The following PTPRT variants were observed in gnomAD, a reference collection of about 807,000 sequenced individuals.
PTPRT encodes the protein protein tyrosine phosphatase receptor type T.
A neutral mutation model predicts 176.8 loss-of-function variants in PTPRT; 56 were observed. The ratio of observed to expected loss-of-function variants is 0.32; its 90% CI spans 0.26 to 0.40. PTPRT has a LOEUF of 0.40. Among genes scored for constraint, PTPRT ranks in the 10% least tolerant of loss-of-function variants. PTPRT has a pLI of 1.00. For synonymous variants in PTPRT, 783 were observed against 739.0 expected (o/e 1.06, Z -0.96); for missense variants, 1,540 against 1,908.2 (o/e 0.81, Z 3.60).
rs1987222088 is a variant in PTPRT, at chr20:42,115,326, G to T, written c.2983-11C>A. The T allele has an allele frequency of 6.3e-7, 1 of 1,592,072 alleles. No individual in the cohort carries two copies. Among genetic ancestry groups the T allele is most frequent in the African/African-American group, 1.3e-5 (1 of 74,608 alleles). On this transcript the variant is annotated splice_polypyrimidine_tract_variant and intron_variant, in intron 21 of 30. Coordinates refer to ENST00000373187, the MANE Select transcript of PTPRT (RefSeq NM_007050.6). The stretch of plus-strand genomic sequence containing the variant: ...TCGCACACATTTCACCTGTGGCCAA[G>T]TGAGAGACAGAGACAGAGACAGAAC...
At chr20:42,210,266 C>T (rs2146730726) in intron 15 of PTPRT, among the ~76,000 whole-genome samples, 1 of 152,288 alleles carries the variant, frequency 6.6e-6, no homozygotes, top group East Asian at 1.9e-4. Context: ...CTCACCACTC[C>T]TATTCAACAC....
intron 1 of PTPRT, among the ~76,000 whole-genome samples, chr20:43,170,010 G>T (rs1026282126): frequency 1.3e-5 from 2 of 152,008 alleles, no homozygotes; most frequent in Non-Finnish European, 2.9e-5. Flanking sequence ...TTTACACAAT[G>T]TCTGGTATAT....
intron 6 of PTPRT, among the ~76,000 whole-genome samples, chr20:42,754,917 C>T (rs1011688992): frequency 6.6e-6 from 1 of 152,124 alleles, no homozygotes; most frequent in Non-Finnish European, 1.5e-5. Context: ...AGAACCAGTG[C>T]CAGGCACTGC....
chr20:42,712,579 T>C (rs567426873), intron 6 of PTPRT, among the ~76,000 whole-genome samples: 16 of 152,254 alleles, frequency 1.1e-4, no homozygotes, highest in African/African-American at 3.6e-4. Context: ...TGGTTCTATC[T>C]CTGAGCCCTG....
chr20:42,209,939 C>T (rs1291518870), intron 15 of PTPRT, among the ~76,000 whole-genome samples: 1 of 152,114 alleles, frequency 6.6e-6, no homozygotes, highest in Middle Eastern at 3.2e-3. Context: ...CATCAAAAAG[C>T]TTATCCACCA....
the PTPRT span, among the ~76,000 whole-genome samples, chr20:42,051,369 G>A: frequency 5.9e-5 from 9 of 152,192 alleles, no homozygotes; most frequent in African/African-American, 2.2e-4. Flanking sequence ...GCTTATTTGC[G>A]TGGTGACCCC....
rs987150590 is a variant in PTPRT, at chr20:42,088,122, C to T, written c.3847-2269G>A. On this transcript the variant is annotated intron_variant, in intron 27 of 30. Transcript: ENST00000373187. ...GGGGTACAGAGGGGAGACAAGATTG[C>T]GGCTGCAGGCTCGCTGGGGACCACC... is the stretch of plus-strand genomic sequence containing the variant. Among the ~76,000 whole-genome samples the T allele has an allele frequency of 3.9e-5, 6 of 152,160 alleles. No individual in the cohort carries two copies. In the South Asian group the frequency reaches 6.2e-4, roughly 16 times the overall value.
intron 1 of PTPRT, among the ~76,000 whole-genome samples, chr20:43,124,957 A>T (rs1458286966): frequency 6.6e-6 from 1 of 152,154 alleles, no homozygotes; most frequent in Admixed American, 6.6e-5. Context: ...AGGAAATTAG[A>T]GCTCAAAGAT....
At chr20:42,496,252 G>A (rs2071651713) in intron 7 of PTPRT, among the ~76,000 whole-genome samples, 1 of 152,074 alleles carries the variant, frequency 6.6e-6, no homozygotes, top group East Asian at 1.9e-4. Context: ...GGTGAGGCAG[G>A]AGAGGCAGGC....
rs2077136312 is a variant in PTPRT, at chr20:42,776,421, A to G, written c.568+3797T>C. 2.6e-5 allele frequency among the ~76,000 whole-genome samples: 4 copies of G among 152,160 alleles called. No individual in the cohort carries two copies. The South Asian group carries it at 8.3e-4, about 32-fold the overall frequency. On this transcript the variant is annotated intron_variant, in intron 4 of 30. Transcript: ENST00000373187. ...CAATCCAATCTGACCAGTATTCTCAACAGAGGAGGACATTTGAATGCACCG... is the reference window on the plus strand; with the variant it reads ...CAATCCAATCTGACCAGTATTCTCAGCAGAGGAGGACATTTGAATGCACCG...
At chr20:42,557,739 T>C (rs1034078611) in intron 7 of PTPRT, among the ~76,000 whole-genome samples, 12 of 152,086 alleles carry the variant, frequency 7.9e-5, no homozygotes, top group Admixed American at 1.3e-4. Flanking sequence ...AAGAAAATGG[T>C]TGAGTTTCCT....
chr20:42,402,669 T>C (rs6016778), intron 9 of PTPRT, among the ~76,000 whole-genome samples: 48 of 152,160 alleles, frequency 3.2e-4, no homozygotes, highest in African/African-American at 1.1e-3. Flanking sequence ...ACAGTCTGGC[T>C]TCCAACAAAG....
At chr20:42,495,558 C>T (rs762646213) in intron 7 of PTPRT, among the ~76,000 whole-genome samples, 6 of 152,190 alleles carry the variant, frequency 3.9e-5, no homozygotes, top group Non-Finnish European at 8.8e-5. Context: ...GGCACACAGA[C>T]CATCCACAAG....
At chr20:42,352,673 G>A (rs144871686) in intron 9 of PTPRT, among the ~76,000 whole-genome samples, 38 of 152,238 alleles carry the variant, frequency 2.5e-4, no homozygotes, top group African/African-American at 8.9e-4. Context: ...GGCGGTCTAT[G>A]GTCAAAAATA....
intron 12 of PTPRT, among the ~76,000 whole-genome samples, chr20:42,309,824 C>G (rs1009267755): frequency 2.0e-5 from 3 of 152,178 alleles, no homozygotes; most frequent in African/African-American, 7.2e-5. Flanking sequence ...CCCAAACACA[C>G]CAACCACAAT....
chr20:42,857,088 G>C (rs1017012707), intron 2 of PTPRT, among the ~76,000 whole-genome samples: 2 of 152,176 alleles, frequency 1.3e-5, no homozygotes, highest in Non-Finnish European at 2.9e-5. Context: ...TTCCACATTA[G>C]CTGCACCATT....
chr20:42,467,375 G>A (rs1186962482), intron 8 of PTPRT, among the ~76,000 whole-genome samples: 1 of 152,116 alleles, frequency 6.6e-6, no homozygotes, highest in African/African-American at 2.4e-5. Flanking sequence ...CATCAGTACT[G>A]GGACTCCCTG....
At chr20:42,232,565 C>T (rs1462585932) in intron 15 of PTPRT, among the ~76,000 whole-genome samples, 1 of 152,018 alleles carries the variant, frequency 6.6e-6, no homozygotes, top group African/African-American at 2.4e-5. Flanking sequence ...CATTTCCTTT[C>T]TGTTTCCTCT....
chr20:42,202,016 C>T (rs960737428), intron 15 of PTPRT, among the ~76,000 whole-genome samples: 2 of 148,510 alleles, frequency 1.3e-5, no homozygotes, highest in African/African-American at 4.9e-5. Context: ...GTTGCCTACA[C>T]TGGAGTGCAG....
Sources: gnomAD v4.1 joint callset for allele counts (sites outside exome capture counted in the v4.1 genomes callset) on GRCh38, gnomAD v4.1.1 for gene constraint, MANE v1.5 for transcripts, NCBI Gene and HGNC (gene_info 2026-07-23, HGNC 2026-07-21) for gene names.